The following PCDH9 variants were observed in gnomAD, a reference collection of about 807,000 sequenced individuals.
PCDH9 encodes protocadherin 9, also known as protocadherin-9.
In PCDH9, 24 loss-of-function variants were observed where a neutral mutation model predicts 70.6. The ratio of observed to expected loss-of-function variants is 0.34; its 90% CI spans 0.25 to 0.48. The LOEUF is 0.48. PCDH9 is among the 20% of genes least tolerant of loss of function. PCDH9 has a pLI of 0.99. For missense variants in PCDH9, 1,281 were observed against 1,503.6 expected (o/e 0.85, Z 2.45); for synonymous variants, 562 against 558.5 (o/e 1.01, Z -0.09).
intron 2 of PCDH9, among the ~76,000 whole-genome samples, chr13:67,119,388 G>A (rs1372054964): frequency 6.6e-6 from 1 of 152,062 alleles, no homozygotes; most frequent in Non-Finnish European, 1.5e-5. Flanking sequence ...TAGTAAGTAA[G>A]CTGAGATTAT....
chr13:66,721,403 G>T (rs901999025), intron 3 of PCDH9, among the ~76,000 whole-genome samples: 1 of 152,150 alleles, frequency 6.6e-6, no homozygotes, highest in Non-Finnish European at 1.5e-5. Context: ...CTGCAGTAAA[G>T]ATATCTGTTT....
intron 4 of PCDH9, among the ~76,000 whole-genome samples, chr13:66,605,850 G>T (rs2077216605): frequency 1.3e-5 from 2 of 151,932 alleles, no homozygotes; most frequent in Admixed American, 6.6e-5. Flanking sequence ...CCATGTGCTA[G>T]GGACATTTGT....
At chr13:67,049,992 A>C (rs569791319) in intron 2 of PCDH9, among the ~76,000 whole-genome samples, 104 of 152,294 alleles carry the variant, frequency 6.8e-4, no homozygotes, top group Non-Finnish European at 8.8e-5. Context: ...AATCATAGAG[A>C]ATGAAAATGT....
intron 4 of PCDH9, among the ~76,000 whole-genome samples, chr13:66,487,802 T>C (rs1005715605): frequency 1.3e-5 from 2 of 152,192 alleles, no homozygotes; most frequent in Admixed American, 6.5e-5. Flanking sequence ...TGAGTTAATC[T>C]GATGGATAAT....
intron 4 of PCDH9, among the ~76,000 whole-genome samples, chr13:66,438,012 T>C (rs1397638942): frequency 6.6e-6 from 1 of 152,026 alleles, no homozygotes; most frequent in Admixed American, 6.6e-5. Flanking sequence ...GGCGGGTGGA[T>C]CACCTGAGGT....
chr13:66,621,979 G>C (rs538864546), intron 4 of PCDH9, among the ~76,000 whole-genome samples: 3 of 152,236 alleles, frequency 2.0e-5, no homozygotes, highest in Non-Finnish European at 4.4e-5. Flanking sequence ...GGGGCTGCGC[G>C]TGGGGCTTGC....
At chr13:66,486,460 C>T (rs57086492) in intron 4 of PCDH9, among the ~76,000 whole-genome samples, 11 of 150,540 alleles carry the variant, frequency 7.3e-5, no homozygotes, top group African/African-American at 2.2e-4. Flanking sequence ...CTGTCCCCCC[C>T]CCACAAAAAA....
chr13:66,779,873 A>ATATATAAATATATGTGTG (rs375882917), intron 3 of PCDH9, among the ~76,000 whole-genome samples: 1 of 115,878 alleles, frequency 8.6e-6, no homozygotes, highest in Non-Finnish European at 1.7e-5. Context: ...ATATACATAT[A>ATATATAAATATATGTGTG]TGTGTGTGTG....
intron 2 of PCDH9, among the ~76,000 whole-genome samples, chr13:67,050,654 A>C (rs2085303976): frequency 6.6e-6 from 1 of 152,214 alleles, no homozygotes; most frequent in South Asian, 2.1e-4. Context: ...ATGGAAGCTT[A>C]GGATGGGTAC....
At chr13:67,129,065 C>T (rs2087046399) in intron 2 of PCDH9, among the ~76,000 whole-genome samples, 1 of 152,074 alleles carries the variant, frequency 6.6e-6, no homozygotes, top group Non-Finnish European at 1.5e-5. Context: ...GGACAGAAGT[C>T]AATCCTCTGA....
chr13:66,643,540 C>T (rs1593827961), intron 3 of PCDH9, among the ~76,000 whole-genome samples: 3 of 151,932 alleles, frequency 2.0e-5, no homozygotes, highest in East Asian at 1.9e-4. Context: ...AAAACATTAC[C>T]GAGTCACCTA....
intron 4 of PCDH9, among the ~76,000 whole-genome samples, chr13:66,354,598 G>A (rs905857144): frequency 3.4e-4 from 51 of 151,810 alleles, no homozygotes; most frequent in African/African-American, 1.2e-3. Context: ...AGCGGTAGAA[G>A]GGAAAAAAAG....
Position 66,982,168 on chromosome 13 carries a change from C to G in PCDH9, c.3037-78563G>C, listed in dbSNP as rs1566339089. 2.6e-5 allele frequency among the ~76,000 whole-genome samples: 4 copies of G among 152,216 alleles called. No homozygotes were observed. In the South Asian group the frequency reaches 8.3e-4, roughly 32 times the overall value. On this transcript the variant is annotated intron_variant, in intron 2 of 4. Coordinates refer to ENST00000377865, the MANE Select transcript of PCDH9 (RefSeq NM_203487.3). ...CTTTCACAATGTGAAGTGCCTGCTCCGGCTTCGCCTTCCACCGTGAGTAAA... is the reference window on the plus strand; with the variant it reads ...CTTTCACAATGTGAAGTGCCTGCTCGGGCTTCGCCTTCCACCGTGAGTAAA...
At chr13:66,460,744 A>G (rs1032362877) in intron 4 of PCDH9, among the ~76,000 whole-genome samples, 5 of 151,792 alleles carry the variant, frequency 3.3e-5, no homozygotes, top group African/African-American at 1.2e-4. Context: ...ACTGAGTGAC[A>G]GAGACGAAGA....
chr13:66,784,672 T>G lies in PCDH9; in HGVS notation c.3138+118832A>C, dbSNP rs561191133. 5.9e-5 allele frequency among the ~76,000 whole-genome samples: 9 copies of G among 152,300 alleles called. No homozygotes were observed. In the South Asian group the frequency reaches 1.7e-3, roughly 28 times the overall value. ...CCATTTCCTCAAAGACTTATAAATA[T>G]AAAACCGTTCCATAAGTGTCTCCAT... On this transcript the variant is annotated intron_variant, in intron 3 of 4. Coordinates refer to ENST00000377865, the MANE Select transcript of PCDH9 (RefSeq NM_203487.3).
intron 3 of PCDH9, among the ~76,000 whole-genome samples, chr13:66,771,967 G>A (rs777970728): frequency 2.6e-5 from 4 of 152,256 alleles, no homozygotes; most frequent in Admixed American, 6.5e-5. Context: ...AAGCTCAAAC[G>A]TAATACATTT....
At chr13:66,628,417 T>G (rs1414947449) in intron 4 of PCDH9, among the ~76,000 whole-genome samples, 1 of 152,196 alleles carries the variant, frequency 6.6e-6, no homozygotes, top group Non-Finnish European at 1.5e-5. Context: ...CTTTATACAT[T>G]TGCCTTTAAT....
At chr13:66,853,229 A>AATAATG (rs2081343360) in intron 3 of PCDH9, among the ~76,000 whole-genome samples, 1 of 146,030 alleles carries the variant, frequency 6.8e-6, no homozygotes, top group Non-Finnish European at 1.5e-5. Context: ...TAATAATAAT[A>AATAATG]ATGATAAAAT....
intron 3 of PCDH9, among the ~76,000 whole-genome samples, chr13:66,688,636 C>G (rs1280385365): frequency 6.6e-6 from 1 of 152,066 alleles, no homozygotes; most frequent in African/African-American, 2.4e-5. Context: ...TCAAATACTT[C>G]ACCAATAGTG....
Sources: allele counts gnomAD v4.1 joint callset (sites outside exome capture counted in the v4.1 genomes callset), GRCh38; gene constraint gnomAD v4.1.1; transcripts MANE v1.5; gene names NCBI Gene and HGNC (gene_info 2026-07-23, HGNC 2026-07-21).